LRP1B: variants seen among roughly 807,000 people sequenced by gnomAD.
LRP1B encodes LDL receptor related protein 1B.
In LRP1B, 217 loss-of-function variants were observed where a neutral mutation model predicts 556.6. The ratio of observed to expected loss-of-function variants is 0.39; its 90% CI spans 0.35 to 0.44. The LOEUF (loss-of-function observed/expected upper bound fraction) is 0.44, where lower values mean the gene tolerates loss of function less well. Among genes scored for constraint, LRP1B ranks in the 20% least tolerant of loss-of-function variants. The pLI is 1.00. For synonymous variants in LRP1B, 2,047 were observed against 1,865.8 expected (o/e 1.10, Z -2.50); for missense variants, 5,053 against 5,620.8 (o/e 0.90, Z 3.23).
intron 43 of LRP1B, among the ~76,000 whole-genome samples, chr2:140,583,322 G>A (rs1681856887): frequency 6.6e-6 from 1 of 151,504 alleles, no homozygotes. Context: ...TTACAGGCGA[G>A]CACCACCACA....
At chr2:140,419,340 C>A (rs1247624631) in intron 66 of LRP1B, among the ~76,000 whole-genome samples, 1 of 152,074 alleles carries the variant, frequency 6.6e-6, no homozygotes, top group Non-Finnish European at 1.5e-5. Flanking sequence ...TAGACTAATA[C>A]CCAGTTATAG....
At chr2:141,659,041 C>A (rs1690115370) in intron 2 of LRP1B, among the ~76,000 whole-genome samples, 1 of 152,060 alleles carries the variant, frequency 6.6e-6, no homozygotes, top group Non-Finnish European at 1.5e-5. Flanking sequence ...GTAGCTGGGA[C>A]TATAGGCAGG....
intron 84 of LRP1B, among the ~76,000 whole-genome samples, chr2:140,287,257 C>A (rs769197653): frequency 1.3e-5 from 2 of 151,460 alleles, no homozygotes; most frequent in Admixed American, 6.6e-5. Flanking sequence ...AGGTCAGAAC[C>A]TAAAAAAATC....
At chr2:142,012,438 T>C (rs2105158115) in intron 1 of LRP1B, among the ~76,000 whole-genome samples, 1 of 152,264 alleles carries the variant, frequency 6.6e-6, no homozygotes, top group East Asian at 1.9e-4. Flanking sequence ...ATGTGTTTTC[T>C]TTAGGTTTTT....
chr2:140,922,281 TACAC>T (rs10598952), intron 21 of LRP1B, among the ~76,000 whole-genome samples: 18 of 150,178 alleles, frequency 1.2e-4, no homozygotes, highest in Non-Finnish European at 8.9e-5. Context: ...CCTATTTGTA[TACAC>T]ACACACACAC....
At position 140,435,487 on chromosome 2, in the gene LRP1B, C is replaced by T. The variant is rs139669317; in HGVS notation, c.10414+7017G>A. Among the ~76,000 whole-genome samples the T allele has an allele frequency of 4.3e-3, 660 of 152,192 alleles. 6 individuals carry two copies. The highest frequency in any genetic ancestry group is 0.015 in the African/African-American group (643 of 41,524). On this transcript the variant is annotated intron_variant, in intron 66 of 90. Transcript: ENST00000389484. ...TCTAATTAAAGCAAATACAGCATTTCCCTTCTTTTCAAACTCAATTATAAT... is the reference window on the plus strand; with the variant it reads ...TCTAATTAAAGCAAATACAGCATTTTCCTTCTTTTCAAACTCAATTATAAT...
intron 59 of LRP1B, among the ~76,000 whole-genome samples, chr2:140,479,924 G>A (rs770977543): frequency 6.6e-6 from 1 of 152,192 alleles, no homozygotes; most frequent in East Asian, 1.9e-4. Context: ...AAACATGCAG[G>A]TTATTAACGT....
At chr2:141,498,106 A>G (rs1332426785) in intron 2 of LRP1B, among the ~76,000 whole-genome samples, 1 of 152,068 alleles carries the variant, frequency 6.6e-6, no homozygotes, top group East Asian at 1.9e-4. Context: ...TAACATTAGT[A>G]TTTGATGCTA....
intron 43 of LRP1B, among the ~76,000 whole-genome samples, chr2:140,573,799 A>T (rs576888172): frequency 1.3e-5 from 2 of 152,188 alleles, no homozygotes; most frequent in South Asian, 4.1e-4. Flanking sequence ...TCAGTTCACT[A>T]GTTCCACTCC....
At chr2:140,605,310 G>T (rs1374886961) in intron 41 of LRP1B, among the ~76,000 whole-genome samples, 1 of 152,086 alleles carries the variant, frequency 6.6e-6, no homozygotes, top group Non-Finnish European at 1.5e-5. Flanking sequence ...AAAATAAGAA[G>T]TTCCTGCACA....
chr2:141,602,915 T>A (rs542711354), intron 2 of LRP1B, among the ~76,000 whole-genome samples: 45 of 152,238 alleles, frequency 3.0e-4, no homozygotes, highest in African/African-American at 2.4e-5. Flanking sequence ...TAAATGTTTC[T>A]TGAGAAACTT....
chr2:141,088,421 C>G (rs1700097684), intron 7 of LRP1B, among the ~76,000 whole-genome samples: 1 of 152,138 alleles, frequency 6.6e-6, no homozygotes, highest in East Asian at 1.9e-4. Flanking sequence ...GGAAAATGTA[C>G]TGTTCTAACG....
intron 2 of LRP1B, among the ~76,000 whole-genome samples, chr2:141,732,840 C>T (rs1026183812): frequency 3.9e-5 from 6 of 151,910 alleles, no homozygotes; most frequent in South Asian, 4.2e-4. Flanking sequence ...TGATTGACTA[C>T]GGAAGTAACT....
At chr2:141,662,639 A>G (rs1175079869) in intron 2 of LRP1B, among the ~76,000 whole-genome samples, 1 of 152,172 alleles carries the variant, frequency 6.6e-6, no homozygotes, top group Non-Finnish European at 1.5e-5. Context: ...ACTATCCTAC[A>G]TATATATTCA....
At position 141,394,413 on chromosome 2, in the gene LRP1B, AATC is replaced by A. The variant is rs1227994333; in HGVS notation, c.343+85980_343+85982del. ...ACCTGCTTCGATAGTAAACCCTATA[AATC>A]AGGCCCATAATAGAAATTCTGGCAG... On this transcript the variant is annotated intron_variant, in intron 3 of 90. Coordinates refer to ENST00000389484, the MANE Select transcript of LRP1B (RefSeq NM_018557.3). Among the ~76,000 whole-genome samples the A allele has an allele frequency of 8.8e-4, 134 of 152,198 alleles. 1 individual carries two copies. Among genetic ancestry groups the A allele is most frequent in the African/African-American group, 3.0e-3 (124 of 41,546 alleles).
rs1326848432 is a variant in LRP1B, at chr2:140,613,329, ATAAT to A, written c.6800-11694_6800-11691del. 2.1e-5 allele frequency among the ~76,000 whole-genome samples: 3 copies of A among 143,854 alleles called. 1 individual carries two copies. The highest frequency in any genetic ancestry group is 7.6e-5 in the African/African-American group (3 of 39,712). The allele number at this position is 143,854 out of a possible 152,430, so 94.4% of individuals were successfully genotyped here. A position where few individuals can be genotyped will look rare whatever the true frequency, so the allele number is the denominator to read the frequency against. On this transcript the variant is annotated intron_variant, in intron 41 of 90. Transcript: ENST00000389484. ...ATTATATATAATTATATAAATATAT[ATAAT>A]TATATACATATAAATATAAATAATT...
intron 35 of LRP1B, among the ~76,000 whole-genome samples, chr2:140,728,307 C>T (rs551015354): frequency 3.3e-5 from 5 of 152,192 alleles, no homozygotes; most frequent in African/African-American, 1.2e-4. Context: ...TTCTTGCAGC[C>T]CTATTGTGGC....
intron 62 of LRP1B, 130 bp downstream of exon 62, chr2:140,456,325 T>C: frequency 1.2e-6 from 1 of 804,546 alleles, no homozygotes; most frequent in Non-Finnish European, 1.8e-6. Context: ...TTTAATGAGA[T>C]GTTATAGTGT....
chr2:142,072,827 A>G (rs761329663), intron 1 of LRP1B, among the ~76,000 whole-genome samples: 2 of 151,986 alleles, frequency 1.3e-5, no homozygotes, highest in Non-Finnish European at 2.9e-5. Context: ...TATGTATTGA[A>G]TATAATTGAA....
Sources: allele counts gnomAD v4.1 joint callset (sites outside exome capture counted in the v4.1 genomes callset), GRCh38; gene constraint gnomAD v4.1.1; transcripts MANE v1.5; gene names NCBI Gene and HGNC (gene_info 2026-07-23, HGNC 2026-07-21).